MPPED1: variants seen among roughly 807,000 people sequenced by gnomAD.
The protein encoded by MPPED1 is metallophosphoesterase domain-containing protein 1.
Under a neutral mutation model 36.2 loss-of-function variants are expected in MPPED1, and 16 were observed. The ratio of observed to expected loss-of-function variants is 0.44; its 90% CI spans 0.30 to 0.67. The LOEUF (loss-of-function observed/expected upper bound fraction) is 0.67. Ranked by LOEUF, MPPED1 falls within the 30% of genes least tolerant of loss-of-function variation. MPPED1 has a pLI of 0.10. For missense variants in MPPED1, 307 were observed against 453.4 expected (o/e 0.68, Z 2.93); for synonymous variants, 199 against 191.3 (o/e 1.04, Z -0.33).
chr22:43,500,335 A>ATGGG (rs1932676092), intron 5 of MPPED1, among the ~76,000 whole-genome samples: 7 of 27,004 alleles, frequency 2.6e-4, no homozygotes, highest in South Asian at 1.2e-3. Context: ...GTGGTGGTGG[A>ATGGG]GGTGGTGGTG....
chr22:43,480,307 T>C lies in MPPED1; in HGVS notation c.632+5346T>C, dbSNP rs115251058. ...GGGGCCTGTGACTGTTGGCATCCTC[T>C]GCTTACCCAGCCTTTGCACAAGCCA... is the stretch of plus-strand genomic sequence containing the variant. On this transcript the variant is annotated intron_variant, in intron 4 of 6. Transcript: ENST00000443721. Among the ~76,000 whole-genome samples, 1,109 of 152,276 alleles carry C rather than the reference T, an allele frequency of 7.3e-3. 12 individuals carry two copies. Among genetic ancestry groups the C allele is most frequent in the African/African-American group, 0.025 (1,033 of 41,554 alleles).
At chr22:43,417,649 G>T (rs547034494) in intron 1 of MPPED1, 3 of 160,214 alleles carry the variant, frequency 1.9e-5, no homozygotes, top group African/African-American at 7.2e-5. Flanking sequence ...CCTGCATTTT[G>T]CTTGCAGGGA....
chr22:43,485,872 C>G (rs1931898103), intron 4 of MPPED1, among the ~76,000 whole-genome samples: 1 of 152,240 alleles, frequency 6.6e-6, no homozygotes, highest in Admixed American at 6.5e-5. Flanking sequence ...TGTGCCCCGG[C>G]CAGGTGTGTG....
chr22:43,438,843 C>T (rs755929433), intron 3 of MPPED1, among the ~76,000 whole-genome samples: 4 of 152,126 alleles, frequency 2.6e-5, no homozygotes, highest in African/African-American at 7.2e-5. Flanking sequence ...CTTCCCCAGC[C>T]GACAGGGCGG....
In MPPED1 at chr22:43,426,415, T is replaced by C. The variant is rs566127603; in HGVS notation, c.224+1206T>C. Among the ~76,000 whole-genome samples, 104 of 152,088 alleles carry C rather than the reference T, an allele frequency of 6.8e-4. 4 individuals carry two copies. Among genetic ancestry groups the C allele is most frequent in the Admixed American group, 5.0e-3 (76 of 15,278 alleles). On this transcript the variant is annotated intron_variant, in intron 2 of 6. Transcript: ENST00000443721. ...AGGGGGGAGCTATGACAGGGGCTGA[T>C]CCAGTGCTGTAGGGCCTACGGGAAG...
At chr22:43,421,497 C>T (rs1052650717) in intron 1 of MPPED1, among the ~76,000 whole-genome samples, 3 of 152,250 alleles carry the variant, frequency 2.0e-5, no homozygotes, top group Non-Finnish European at 2.9e-5. Flanking sequence ...GGGGCAAAGA[C>T]GGGTGGGGGC....
chr22:43,420,429 G>A (rs547495396), intron 1 of MPPED1, among the ~76,000 whole-genome samples: 85 of 151,114 alleles, frequency 5.6e-4, no homozygotes, highest in African/African-American at 1.9e-3. Context: ...TTTTGAGATG[G>A]AGTCTCACTC....
chr22:43,424,475 G>A (rs2146818676), intron 1 of MPPED1, among the ~76,000 whole-genome samples: 1 of 152,300 alleles, frequency 6.6e-6, no homozygotes, highest in East Asian at 1.9e-4. Context: ...GGATGGGGGA[G>A]GGTTGTAGGA....
intron 3 of MPPED1, among the ~76,000 whole-genome samples, chr22:43,450,337 C>G (rs1930520223): frequency 6.6e-6 from 1 of 152,238 alleles, no homozygotes; most frequent in Non-Finnish European, 1.5e-5. Flanking sequence ...CATCACTCCC[C>G]TGTGCCTCAG....
intron 4 of MPPED1, among the ~76,000 whole-genome samples, chr22:43,478,751 C>A (rs1431845553): frequency 2.6e-5 from 4 of 152,134 alleles, no homozygotes; most frequent in African/African-American, 4.8e-5. Context: ...GGGTCCCCGG[C>A]CATACCCCCG....
chr22:43,425,283 C>A (rs961547034), intron 2 of MPPED1, 74 bp downstream of exon 2: 1 of 1,467,246 alleles, frequency 6.8e-7, no homozygotes, highest in African/African-American at 1.4e-5. Context: ...TCGGGTGCCT[C>A]CTGGTTCTGG....
intron 3 of MPPED1, among the ~76,000 whole-genome samples, chr22:43,441,326 G>A (rs533515708): frequency 2.5e-4 from 38 of 152,174 alleles, no homozygotes; most frequent in African/African-American, 7.0e-4. Flanking sequence ...CACTGCTATC[G>A]TCTGTCCTGC....
chr22:43,439,310 G>A (rs78015334), intron 3 of MPPED1, among the ~76,000 whole-genome samples: 3,252 of 152,380 alleles, frequency 0.021, 39 homozygotes, highest in Non-Finnish European at 0.027. Flanking sequence ...AGAAGTGGCA[G>A]CTTGATTTGT....
At chr22:43,452,860 C>G (rs970863375) in intron 3 of MPPED1, among the ~76,000 whole-genome samples, 1 of 151,988 alleles carries the variant, frequency 6.6e-6, no homozygotes, top group Non-Finnish European at 1.5e-5. Flanking sequence ...AACTCCTGGG[C>G]TCAAGCAGTC....
At chr22:43,483,263 G>T (rs1931805937) in intron 4 of MPPED1, among the ~76,000 whole-genome samples, 1 of 152,264 alleles carries the variant, frequency 6.6e-6, no homozygotes, top group Non-Finnish European at 1.5e-5. Flanking sequence ...CCAGAACGGG[G>T]CCGAGTCCTG....
intron 3 of MPPED1, among the ~76,000 whole-genome samples, chr22:43,454,201 G>A (rs1297510916): frequency 6.6e-6 from 1 of 152,088 alleles, no homozygotes; most frequent in African/African-American, 2.4e-5. Context: ...TAGAGAGGGG[G>A]TTTCACTGCG....
At chr22:43,480,875 G>C (rs1336720248) in intron 4 of MPPED1, among the ~76,000 whole-genome samples, 3 of 149,444 alleles carry the variant, frequency 2.0e-5, no homozygotes, top group Non-Finnish European at 4.4e-5. Flanking sequence ...CTAGGTTAGA[G>C]TGCAATGGCA....
intron 3 of MPPED1, among the ~76,000 whole-genome samples, chr22:43,459,399 T>A (rs185184197): frequency 8.1e-4 from 123 of 152,344 alleles, no homozygotes; most frequent in African/African-American, 2.8e-3. Flanking sequence ...CAGCTATTGT[T>A]TCTTTAACTA....
At chr22:43,489,560 C>G (rs947990696) in intron 4 of MPPED1, among the ~76,000 whole-genome samples, 22 of 152,126 alleles carry the variant, frequency 1.4e-4, no homozygotes, top group African/African-American at 4.8e-4. Flanking sequence ...GCTCTGTCGC[C>G]CAGGCTGGAG....
Sources: gnomAD v4.1 joint callset for allele counts (sites outside exome capture counted in the v4.1 genomes callset) on GRCh38, gnomAD v4.1.1 for gene constraint, MANE v1.5 for transcripts, NCBI Gene and HGNC (gene_info 2026-07-23, HGNC 2026-07-21) for gene names.